The following EN2 variants were observed in gnomAD, a reference collection of about 807,000 sequenced individuals.
EN2 encodes homeobox protein engrailed-2.
EN2 carries 7 observed loss-of-function variants against 25.0 expected under a neutral mutation model. The ratio of observed to expected loss-of-function variants is 0.28; its 90% CI spans 0.16 to 0.53. EN2 has a LOEUF of 0.53. Among genes scored for constraint, EN2 ranks in the 20% least tolerant of loss-of-function variants. The pLI is 0.96. For synonymous variants in EN2, 277 were observed against 243.3 expected (o/e 1.14, Z -1.29); for missense variants, 524 against 501.8 (o/e 1.04, Z -0.42).
intron 1 of EN2, among the ~76,000 whole-genome samples, chr7:155,460,147 T>C (rs1409652379): frequency 6.6e-6 from 1 of 152,230 alleles, no homozygotes; most frequent in Non-Finnish European, 1.5e-5. Flanking sequence ...GAAATTCAGA[T>C]TTCTCAGCTA....
chr7:155,460,355 GTCGCCTATCTTCATGGGC>G (rs1483079301), intron 1 of EN2, among the ~76,000 whole-genome samples: 1 of 152,184 alleles, frequency 6.6e-6, no homozygotes, highest in African/African-American at 2.4e-5. Context: ...CCCAGCCCAA[GTCGCCTATCTTCATGGGC>G]TTTAAAATAT....
chr7:155,461,959 G>T (rs1795701095), intron 1 of EN2, among the ~76,000 whole-genome samples: 1 of 152,162 alleles, frequency 6.6e-6, no homozygotes, highest in Non-Finnish European at 1.5e-5. Flanking sequence ...CCGCCCTGCA[G>T]CCTTTCCCAG....
rs749011148 is a variant in EN2, at chr7:155,458,626, G to C, written c.249G>C (p.Lys83Asn). The C allele has an allele frequency of 6.9e-7, 1 of 1,453,432 alleles. No homozygotes were observed. Among genetic ancestry groups the C allele is most frequent in the East Asian group, 3.0e-5 (1 of 33,092 alleles). The allele number at this position is 1,453,432 out of a possible 1,614,324, so 90.0% of individuals were successfully genotyped here. A position where few individuals can be genotyped will look rare whatever the true frequency, so the allele number is the denominator to read the frequency against. The change falls in exon 1 of 2, where the codon AAG (lysine) becomes AAC (asparagine). Residue 83 changes from lysine (K) to asparagine (N), a missense_variant. Coordinates refer to ENST00000297375, the MANE Select transcript of EN2 (RefSeq NM_001427.4). The part of the protein sequence containing the change: ...NILRPEFGRR[K>N]DAGTCCAGAG... ...TGCGGCCCGAGTTCGGCCGGCGAAAGGACGCGGGGACCTGCTGTGCGGGCG... is the reference window on the plus strand; with the variant it reads ...TGCGGCCCGAGTTCGGCCGGCGAAACGACGCGGGGACCTGCTGTGCGGGCG...
At chr7:155,459,121 GGC>G (rs1795666299) in intron 1 of EN2, 59 bp downstream of exon 1, 1 of 1,472,626 alleles carries the variant, frequency 6.8e-7, no homozygotes, top group Non-Finnish European at 8.9e-7. Flanking sequence ...GGAGCTGGGG[GGC>G]GGTGCTGGCG....
intron 1 of EN2, 117 bp downstream of exon 1, chr7:155,459,179 A>C: frequency 2.7e-6 from 3 of 1,117,764 alleles, no homozygotes; most frequent in East Asian, 3.0e-5. Flanking sequence ...CCCCGCGCAC[A>C]CGCACAAAGA....
In EN2 at chr7:155,459,033, G is replaced by A; in HGVS notation, c.656G>A (p.Cys219Tyr). Reference protein sequence around the residue: ...QPMLWPAWVYCTRYSDRPSSG... With the variant: ...QPMLWPAWVYYTRYSDRPSSG... Reference sequence around the variant, plus strand: ...ATGCTCTGGCCGGCGTGGGTCTACTGTACGCGCTACTCGGACCGGCCTTCT... The same window carrying A: ...ATGCTCTGGCCGGCGTGGGTCTACTATACGCGCTACTCGGACCGGCCTTCT... Residue 219 changes from cysteine to tyrosine, a missense_variant, in exon 1 of 2, where the codon TGT becomes TAT. Coordinates refer to ENST00000297375, the MANE Select transcript of EN2 (RefSeq NM_001427.4). 6.3e-7 allele frequency: 1 copy of A among 1,581,846 alleles called. No individual in the cohort carries two copies. Among genetic ancestry groups the A allele is most frequent in the Non-Finnish European group, 8.5e-7 (1 of 1,172,818 alleles).
chr7:155,460,333 G>C (rs1795681012), intron 1 of EN2, among the ~76,000 whole-genome samples: 1 of 152,104 alleles, frequency 6.6e-6, no homozygotes, highest in Non-Finnish European at 1.5e-5. Flanking sequence ...GGCCTGGCCC[G>C]GCCCAGCTCA....
intron 1 of EN2, among the ~76,000 whole-genome samples, chr7:155,459,570 G>A (rs1161445206): frequency 6.6e-6 from 1 of 152,254 alleles, no homozygotes; most frequent in Non-Finnish European, 1.5e-5. Context: ...GCTGTGCTCG[G>A]GGAAGAAAAG....
intron 1 of EN2, among the ~76,000 whole-genome samples, chr7:155,459,438 G>A (rs907792001): frequency 2.0e-5 from 3 of 152,158 alleles, no homozygotes; most frequent in Admixed American, 6.5e-5. Context: ...GAACGTGGTG[G>A]CTGGAAGATG....
chr7:155,458,715 GC>G lies in EN2; in HGVS notation c.339del (p.Gly114AlafsTer80). On this transcript the variant is annotated frameshift_variant, in exon 1 of 2. Coordinates refer to ENST00000297375, the MANE Select transcript of EN2 (RefSeq NM_001427.4). LOFTEE classifies it high-confidence loss of function. ...EGGASGAEGG[G>X]GAGGSEQLLG... is the part of the protein sequence containing the mutation. ...GGCGCGAGCGGTGCGGAGGGAGGCG[GC>G]GGCGCGGGCGGCTCGGAGCAGCTCT... 7.5e-7 allele frequency: 1 copy of G among 1,339,128 alleles called. No individual in the cohort carries two copies. The highest frequency in any genetic ancestry group is 9.5e-7 in the Non-Finnish European group (1 of 1,054,796). The allele number at this position is 1,339,128 out of a possible 1,614,324, so 83.0% of individuals were successfully genotyped here. A position where few individuals can be genotyped will look rare whatever the true frequency, so the allele number is the denominator to read the frequency against.
chr7:155,458,802 C>G lies in EN2; in HGVS notation c.425C>G (p.Pro142Arg), dbSNP rs1026306398. 9.2e-5 allele frequency: 128 copies of G among 1,397,674 alleles called. 1 individual carries two copies. The East Asian group carries it at 3.0e-3, about 33-fold the overall frequency. The allele number at this position is 1,397,674 out of a possible 1,614,324, so 86.6% of individuals were successfully genotyped here. The change falls in exon 1 of 2, where the codon CCG becomes CGG. Residue 142 changes from proline to arginine, a missense_variant. Physicochemically the swap from Pro to Arg is moderately radical, Grantham distance 103. Transcript: ENST00000297375. ...NPPCAPGAGG[P>R]LPAAGSDSPG... The stretch of plus-strand genomic sequence containing the variant: ...CCATGTGCGCCCGGCGCGGGCGGGC[C>G]GCTCCCAGCCGCCGGCAGCGACTCT...
In EN2 at chr7:155,458,239, T is replaced by C; in HGVS notation, c.-139T>C. The C allele has an allele frequency of 8.5e-7, 1 of 1,176,330 alleles. No homozygotes were observed. Among genetic ancestry groups the C allele is most frequent in the Admixed American group, 4.3e-5 (1 of 23,354 alleles). The allele number at this position is 1,176,330 out of a possible 1,614,324, so 72.9% of individuals were successfully genotyped here. A position where few individuals can be genotyped will look rare whatever the true frequency, so the allele number is the denominator to read the frequency against. The stretch of plus-strand genomic sequence containing the variant: ...CCGGCGACTTGTAGGACCTCAGCCC[T>C]GGCCGCGGCCGCCGCGCACGCCCTC... On this transcript the variant is annotated 5_prime_UTR_variant, in exon 1 of 2. Coordinates refer to ENST00000297375, the MANE Select transcript of EN2 (RefSeq NM_001427.4).
intron 1 of EN2, among the ~76,000 whole-genome samples, chr7:155,461,854 C>T (rs28999108): frequency 0.015 from 2,280 of 152,276 alleles, 23 homozygotes; most frequent in Non-Finnish European, 0.026. Flanking sequence ...TCCTCAGGGC[C>T]CACCTGCCCC....
At chr7:155,459,968 C>T (rs1234938806) in intron 1 of EN2, among the ~76,000 whole-genome samples, 4 of 152,190 alleles carry the variant, frequency 2.6e-5, no homozygotes, top group Admixed American at 6.5e-5. Flanking sequence ...TGCGGGTCTG[C>T]GGCTGGGAAC....
chr7:155,458,901 GC>G lies in EN2; in HGVS notation c.529del (p.Leu177TrpfsTer17). The G allele has an allele frequency of 2.7e-6, 4 of 1,498,540 alleles. No homozygotes were observed. Among genetic ancestry groups the G allele is most frequent in the East Asian group, 5.6e-5 (2 of 35,614 alleles). The allele number at this position is 1,498,540 out of a possible 1,614,324, so 92.8% of individuals were successfully genotyped here. On this transcript the variant is annotated frameshift_variant, in exon 1 of 2. Transcript: ENST00000297375. LOFTEE classifies it high-confidence loss of function. ...GCCAAGAAAGGCGGCGACCCCGGCG[GC>G]CCCCTGGACGGGTCGCTCAAGGCCC... is the stretch of plus-strand genomic sequence containing the variant. Reference protein sequence around the residue: ...GGAKKGGDPGGPLDGSLKARG... With the variant: ...GGAKKGGDPGXPLDGSLKARG...
chr7:155,463,762 C>G lies in EN2; in HGVS notation c.*1075C>G, dbSNP rs991747297. The G allele has an allele frequency of 6.6e-6, 1 of 152,282 alleles. No individual in the cohort carries two copies. The highest frequency in any genetic ancestry group is 2.4e-5 in the African/African-American group (1 of 41,460). The allele number at this position is 152,282 out of a possible 1,614,324, so 9.4% of individuals were successfully genotyped here. A position where few individuals can be genotyped will look rare whatever the true frequency, so the allele number is the denominator to read the frequency against. On this transcript the variant is annotated 3_prime_UTR_variant, in exon 2 of 2. Transcript: ENST00000297375. ...AATTTCCTGTGACTCCACCAGCCATCATGGGTGCCAGCCAGGGTCCCAGAA... is the reference window on the plus strand; with the variant it reads ...AATTTCCTGTGACTCCACCAGCCATGATGGGTGCCAGCCAGGGTCCCAGAA...
In EN2 at chr7:155,462,518, C is replaced by T. The variant is rs537483172; in HGVS notation, c.833C>T (p.Ala278Val). The change falls in exon 2 of 2, where the codon GCG (alanine) becomes GTG (valine). Residue 278 changes from alanine (A) to valine (V), a missense_variant. Coordinates refer to ENST00000297375, the MANE Select transcript of EN2 (RefSeq NM_001427.4). ...ACGGAGCAGCGGCGCCAGAGCCTGG[C>T]GCAGGAGCTGAGCCTCAACGAGTCA... ...YLTEQRRQSL[A>V]QELSLNESQI... is the part of the protein sequence containing the mutation. 8 of 1,614,054 alleles carry T rather than the reference C, an allele frequency of 5.0e-6. No homozygotes were observed. The highest frequency in any genetic ancestry group is 1.7e-5 in the Admixed American group (1 of 60,008).
intron 1 of EN2, among the ~76,000 whole-genome samples, chr7:155,459,982 C>T (rs1335512815): frequency 1.3e-5 from 2 of 152,216 alleles, no homozygotes; most frequent in Non-Finnish European, 2.9e-5. Context: ...TGGGAACCGC[C>T]ATTAGAAGTG....
intron 1 of EN2, among the ~76,000 whole-genome samples, chr7:155,459,412 T>C (rs964909962): frequency 7.9e-5 from 12 of 152,160 alleles, no homozygotes; most frequent in African/African-American, 2.7e-4. Context: ...TCCCCCACTG[T>C]AGTTTTTTTT....
Sources: gnomAD v4.1 joint callset for allele counts (sites outside exome capture counted in the v4.1 genomes callset) on GRCh38, gnomAD v4.1.1 for gene constraint, MANE v1.5 for transcripts, NCBI Gene and HGNC (gene_info 2026-07-23, HGNC 2026-07-21) for gene names.